The following DOCK1 variants were observed in gnomAD, a reference collection of about 807,000 sequenced individuals.
The protein encoded by DOCK1 is dedicator of cytokinesis protein 1.
A neutral mutation model predicts 262.7 loss-of-function variants in DOCK1; 138 were observed. The ratio of observed to expected loss-of-function variants is 0.53; its 90% CI spans 0.46 to 0.61. DOCK1 has a LOEUF of 0.61. DOCK1 is among the 20% of genes least tolerant of loss of function. DOCK1 has a pLI of 0.00. For missense variants in DOCK1, 1,908 were observed against 2,370.7 expected (o/e 0.80, Z 4.05); for synonymous variants, 866 against 867.4 (o/e 1.00, Z 0.03).
At chr10:127,124,596 G>T (rs2049826611) in intron 25 of DOCK1, among the ~76,000 whole-genome samples, 1 of 152,194 alleles carries the variant, frequency 6.6e-6, no homozygotes, top group South Asian at 2.1e-4. Context: ...ACCCAAACCT[G>T]CTTTGCCTCT....
chr10:127,316,876 C>G (rs779706001), intron 29 of DOCK1, among the ~76,000 whole-genome samples: 22 of 152,014 alleles, frequency 1.4e-4, no homozygotes, highest in Non-Finnish European at 2.2e-4. Flanking sequence ...CATTGCCACT[C>G]CCCCTCCAAG....
chr10:127,072,926 A>T (rs2046316233), intron 23 of DOCK1, among the ~76,000 whole-genome samples: 1 of 152,124 alleles, frequency 6.6e-6, no homozygotes, highest in Admixed American at 6.5e-5. Context: ...CTTCAAATGC[A>T]CCTGTCCCTA....
At chr10:126,975,543 A>C (rs2038461472) in intron 2 of DOCK1, among the ~76,000 whole-genome samples, 2 of 152,062 alleles carry the variant, frequency 1.3e-5, no homozygotes, top group African/African-American at 4.8e-5. Flanking sequence ...ACTATTATTA[A>C]ACTGAAGCAT....
At chr10:127,030,842 C>T (rs1157489238) in intron 16 of DOCK1, among the ~76,000 whole-genome samples, 1 of 151,520 alleles carries the variant, frequency 6.6e-6, no homozygotes, top group Admixed American at 6.6e-5. Flanking sequence ...CTCTGTCTCT[C>T]TGTCACACAC....
chr10:127,300,944 C>T (rs2061659177), intron 29 of DOCK1, among the ~76,000 whole-genome samples: 1 of 152,196 alleles, frequency 6.6e-6, no homozygotes, highest in African/African-American at 2.4e-5. Context: ...TGGGCGCATC[C>T]GCTCACTGTA....
At chr10:127,428,151 T>C (rs1294596281) in intron 47 of DOCK1, among the ~76,000 whole-genome samples, 1 of 152,268 alleles carries the variant, frequency 6.6e-6, no homozygotes, top group African/African-American at 2.4e-5. Context: ...TCTTTCAAAG[T>C]TGATGCCTGT....
At chr10:126,947,234 A>C (rs1439150924) in intron 1 of DOCK1, among the ~76,000 whole-genome samples, 1 of 152,136 alleles carries the variant, frequency 6.6e-6, no homozygotes, top group Non-Finnish European at 1.5e-5. Flanking sequence ...TGGTGCTGGT[A>C]ATGTGGTTGA....
At chr10:127,290,524 CTG>C (rs1370901119) in intron 29 of DOCK1, among the ~76,000 whole-genome samples, 1 of 152,180 alleles carries the variant, frequency 6.6e-6, no homozygotes, top group Non-Finnish European at 1.5e-5. Context: ...TCTGGCATAA[CTG>C]TAATATATCA....
Position 127,012,492 on chromosome 10 carries a change from CAG to C in DOCK1, c.1201+119_1201+120del, listed in dbSNP as rs767519402. 2.7e-5 allele frequency: 23 copies of C among 847,498 alleles called. No individual in the cohort carries two copies. The highest frequency in any genetic ancestry group is 6.7e-5 in the African/African-American group (4 of 60,120). 52.5% of individuals were successfully genotyped at this position (847,498 alleles called of 1,614,324 possible). ...ATGGTGGTGATAATGATGGGGATGA[CAG>C]TGATCGTGGTGGAGAATGTGTGTGA... On this transcript the variant is annotated intron_variant, in intron 12 of 51. Coordinates refer to ENST00000623213, the MANE Select transcript of DOCK1 (RefSeq NM_001290223.2). The surrounding 1 kb of genome is among the most constrained non-coding windows in gnomAD (Gnocchi z 4.0).
rs989520380 is a variant in DOCK1 at position 126,928,473 on chromosome 10, G to A, written c.46+22910G>A. Among the ~76,000 whole-genome samples the A allele has an allele frequency of 4.1e-3, 618 of 152,072 alleles. 4 individuals are homozygous for A. The highest frequency in any genetic ancestry group is 0.02 in the Middle Eastern group (6 of 294). On this transcript the variant is annotated intron_variant, in intron 1 of 51. Coordinates refer to ENST00000623213, the MANE Select transcript of DOCK1 (RefSeq NM_001290223.2). Reference sequence around the variant, plus strand: ...CCAGGATGCCTGGTGTCCTTGTTAAGAAGAGGAGGGACACATGAGAACTCA... The same window carrying A: ...CCAGGATGCCTGGTGTCCTTGTTAAAAAGAGGAGGGACACATGAGAACTCA...
rs144829422 is a variant in DOCK1 at position 127,134,940 on chromosome 10, C to T, written c.2847+7176C>T. Among the ~76,000 whole-genome samples the T allele has an allele frequency of 5.3e-3, 814 of 152,186 alleles. 7 individuals are homozygous for T. Among genetic ancestry groups the T allele is most frequent in the Non-Finnish European group, 9.9e-3 (673 of 68,014 alleles). Reference sequence around the variant, plus strand: ...GGCTAGTGTCAGCAGGAGAGGTAGGCGCTCAGCCTATCTCCCACTAGGGAG... The same window carrying T: ...GGCTAGTGTCAGCAGGAGAGGTAGGTGCTCAGCCTATCTCCCACTAGGGAG... On this transcript the variant is annotated intron_variant, in intron 27 of 51. Coordinates refer to ENST00000623213, the MANE Select transcript of DOCK1 (RefSeq NM_001290223.2).
chr10:127,162,700 A>T (rs1448387539), intron 27 of DOCK1, among the ~76,000 whole-genome samples: 1 of 152,132 alleles, frequency 6.6e-6, no homozygotes, highest in Non-Finnish European at 1.5e-5. Flanking sequence ...AGTTATTTCT[A>T]CTTAGTGTTC....
intron 23 of DOCK1, among the ~76,000 whole-genome samples, chr10:127,065,412 G>T (rs2045803939): frequency 6.6e-6 from 1 of 152,126 alleles, no homozygotes; most frequent in African/African-American, 2.4e-5. Flanking sequence ...GTTGCTGTGT[G>T]TCTCGTGCAC....
chr10:127,416,044 C>T (rs986182093), intron 44 of DOCK1, among the ~76,000 whole-genome samples: 10 of 152,224 alleles, frequency 6.6e-5, no homozygotes, highest in Non-Finnish European at 1.0e-4. Context: ...CTCTAGGGGC[C>T]GGCATCTCTC....
chr10:127,017,404 GACAT>G (rs1246841724), intron 12 of DOCK1, among the ~76,000 whole-genome samples: 1 of 151,316 alleles, frequency 6.6e-6, no homozygotes, highest in African/African-American at 2.4e-5. Flanking sequence ...TACAGACACA[GACAT>G]ACATACAGAT....
chr10:126,907,082 G>A (rs1320928228), intron 1 of DOCK1, among the ~76,000 whole-genome samples: 1 of 152,174 alleles, frequency 6.6e-6, no homozygotes, highest in Non-Finnish European at 1.5e-5. Context: ...ACCACCTAAT[G>A]GATTCAGTCT....
Position 127,054,832 on chromosome 10 carries a change from T to C in DOCK1, c.2336+2017T>C, listed in dbSNP as rs571967039. Reference sequence around the variant, plus strand: ...TGATGATCTGCATATTCTCACCCGATAACACTGGACTTTCCCTTTCATTCA... The same window carrying C: ...TGATGATCTGCATATTCTCACCCGACAACACTGGACTTTCCCTTTCATTCA... On this transcript the variant is annotated intron_variant, in intron 22 of 51. Coordinates refer to ENST00000623213, the MANE Select transcript of DOCK1 (RefSeq NM_001290223.2). Among the ~76,000 whole-genome samples, 16 of 152,384 alleles carry C rather than the reference T, an allele frequency of 1.0e-4. No homozygotes were observed. The South Asian group carries it at 2.7e-3, about 26-fold the overall frequency.
chr10:127,017,447 A>G (rs1027844569), intron 12 of DOCK1, among the ~76,000 whole-genome samples: 2 of 152,022 alleles, frequency 1.3e-5, no homozygotes, highest in African/African-American at 2.4e-5. Context: ...AGAAACACAG[A>G]CAGACACAGA....
chr10:127,448,044 C>T (rs1220587238), intron 51 of DOCK1, among the ~76,000 whole-genome samples: 1 of 152,168 alleles, frequency 6.6e-6, no homozygotes, highest in African/African-American at 2.4e-5. Context: ...CTGGGAGCTC[C>T]TGGGTGGTGA....
Sources: gnomAD v4.1 joint callset for allele counts (sites outside exome capture counted in the v4.1 genomes callset) on GRCh38, gnomAD v4.1.1 for gene constraint, Gnocchi (gnomAD v3.1) non-coding constraint, MANE v1.5 for transcripts, NCBI Gene and HGNC (gene_info 2026-07-23, HGNC 2026-07-21) for gene names.